TDRD9: variants seen among roughly 807,000 people sequenced by gnomAD.
The protein encoded by TDRD9 is ATP-dependent RNA helicase TDRD9.
A neutral mutation model predicts 172.6 loss-of-function variants in TDRD9; 124 were observed. The observed-to-expected ratio is 0.72, with a 90% CI of 0.62 to 0.83. The LOEUF (loss-of-function observed/expected upper bound fraction) is 0.83, where lower values mean the gene tolerates loss of function less well. Among genes scored for constraint, TDRD9 ranks in the 40% least tolerant of loss-of-function variants. TDRD9 has a pLI of 0.00. For missense variants in TDRD9, 1,479 were observed against 1,714.1 expected, an observed-to-expected ratio of 0.86 and a Z score of 2.42; for synonymous variants, 619 against 617.1, an observed-to-expected ratio of 1.00 and a Z score of -0.05.
At position 103,962,550 on chromosome 14, in the gene TDRD9, A is replaced by T. The variant is rs569624322; in HGVS notation, c.323-529A>T. Among the ~76,000 whole-genome samples, 48 of 152,196 alleles carry T rather than the reference A, an allele frequency of 3.2e-4. No homozygotes were observed. The South Asian group carries it at 1.0e-2, about 32-fold the overall frequency. ...GTTTGTTACAAGAGTATATTGGGTGATGCTGAGGTTTGGGCTTCCACTGAT... is the reference window on the plus strand; with the variant it reads ...GTTTGTTACAAGAGTATATTGGGTGTTGCTGAGGTTTGGGCTTCCACTGAT... On this transcript the variant is annotated intron_variant, in intron 2 of 35. Transcript: ENST00000409874.
intron 8 of TDRD9, among the ~76,000 whole-genome samples, chr14:103,987,123 TACACACACACACACACACACACACAC>T (rs143714763): frequency 6.9e-6 from 1 of 145,686 alleles, no homozygotes. Flanking sequence ...AAAAAATATA[TACACACACACACACACACACACACAC>T]ACACACACAC....
At chr14:104,029,119 T>C (rs142040819) in intron 28 of TDRD9, among the ~76,000 whole-genome samples, 87 of 152,356 alleles carry the variant, frequency 5.7e-4, no homozygotes, top group African/African-American at 2.0e-3. Flanking sequence ...GGTACTGCGA[T>C]GTCTCTTGCT....
intron 23 of TDRD9, among the ~76,000 whole-genome samples, chr14:104,019,641 A>G (rs2034893802): frequency 6.6e-6 from 1 of 152,232 alleles, no homozygotes; most frequent in African/African-American, 2.4e-5. Context: ...TGAAAGAATA[A>G]GAAGTGTATT....
intron 29 of TDRD9, 71 bp from the exon 30 acceptor site, chr14:104,031,946 T>C: frequency 9.4e-7 from 1 of 1,064,874 alleles, no homozygotes; most frequent in East Asian, 2.7e-5. Context: ...GAGCTGACTT[T>C]TGAGTTTTAA....
At chr14:104,005,474 T>C in intron 15 of TDRD9, 69 bp downstream of exon 15, 1 of 1,530,880 alleles carries the variant, frequency 6.5e-7, no homozygotes. Flanking sequence ...TCCCTCAGTC[T>C]GTGCCTCACT....
At chr14:104,006,032 G>T (rs974263090) in intron 15 of TDRD9, among the ~76,000 whole-genome samples, 2 of 152,104 alleles carry the variant, frequency 1.3e-5, no homozygotes, top group Non-Finnish European at 2.9e-5. Context: ...TCAAGTTAAG[G>T]AAGTTTTTCC....
intron 11 of TDRD9, among the ~76,000 whole-genome samples, chr14:103,995,445 C>G (rs1272110307): frequency 1.3e-5 from 2 of 152,160 alleles, no homozygotes; most frequent in Non-Finnish European, 2.9e-5. Context: ...TGCCCCTGGG[C>G]AATTCCAGGA....
intron 32 of TDRD9, among the ~76,000 whole-genome samples, chr14:104,037,802 C>T (rs1596020529): frequency 1.3e-5 from 2 of 152,160 alleles, no homozygotes; most frequent in Admixed American, 6.5e-5. Flanking sequence ...TTCCCTTCAT[C>T]GTGGAGCTGA....
In TDRD9 at chr14:104,052,212, TTTTC is replaced by T. The variant is rs1392318574; in HGVS notation, c.*137_*140del. On this transcript the variant is annotated 3_prime_UTR_variant, in exon 36 of 36. Transcript: ENST00000409874. ...CTGTGCCCACTGCATCCTAAAGGCC[TTTTC>T]TTTCTTCTTTTCTCTTTGGGTGATA... 9 of 553,654 alleles carry T rather than the reference TTTTC, an allele frequency of 1.6e-5. No homozygotes were observed. In the African/African-American group the frequency reaches 1.7e-4, roughly 11 times the overall value. 34.3% of individuals were successfully genotyped at this position (553,654 alleles called of 1,614,324 possible).
chr14:104,000,197 T>C (rs1399574626), intron 13 of TDRD9, among the ~76,000 whole-genome samples: 1 of 151,510 alleles, frequency 6.6e-6, no homozygotes, highest in Non-Finnish European at 1.5e-5. Context: ...GTGTGGTGGC[T>C]CATACCTGTG....
intron 33 of TDRD9, among the ~76,000 whole-genome samples, chr14:104,041,644 C>T (rs1430093942): frequency 1.3e-5 from 2 of 152,198 alleles, no homozygotes; most frequent in African/African-American, 2.4e-5. Context: ...ATAGCACCAC[C>T]TACTTACTGG....
At chr14:103,969,003 G>A (rs922165246) in intron 5 of TDRD9, among the ~76,000 whole-genome samples, 3 of 149,402 alleles carry the variant, frequency 2.0e-5, no homozygotes, top group Non-Finnish European at 3.0e-5. Context: ...GGGAGGCTGA[G>A]GCCGGAGAAT....
At chr14:104,003,149 T>C (rs969879215) in intron 13 of TDRD9, among the ~76,000 whole-genome samples, 1 of 151,864 alleles carries the variant, frequency 6.6e-6, no homozygotes, top group Non-Finnish European at 1.5e-5. Flanking sequence ...TGGGAAGAGA[T>C]TGAGATTGGC....
chr14:103,978,820 T>C (rs984704700), intron 7 of TDRD9, among the ~76,000 whole-genome samples: 1 of 152,162 alleles, frequency 6.6e-6, no homozygotes, highest in South Asian at 2.1e-4. Flanking sequence ...CACATAATAA[T>C]TCATGGGGTA....
Position 103,938,439 on chromosome 14 carries a change from TA to T in TDRD9, c.215+9716del, listed in dbSNP as rs1248337470. On this transcript the variant is annotated intron_variant, in intron 1 of 35. Transcript: ENST00000409874. ...GTATATATATATATATATATATATA[TA>T]TTTTTTTTTTTTTTTTGAGATGGTG... Among the ~76,000 whole-genome samples, 255 of 52,694 alleles carry T rather than the reference TA, an allele frequency of 4.8e-3. 2 individuals are homozygous for T. Among genetic ancestry groups the T allele is most frequent in the African/African-American group, 0.011 (191 of 17,312 alleles). 34.6% of individuals were successfully genotyped at this position (52,694 alleles called of 152,430 possible). A position where few individuals can be genotyped will look rare whatever the true frequency, so the allele number is the denominator to read the frequency against.
chr14:104,026,918 G>A lies in TDRD9; in HGVS notation c.3261G>A (p.Thr1087=), dbSNP rs750015527. The change falls in exon 28 of 36, where the codon ACG becomes ACA. Residue 1087 remains threonine, a synonymous_variant. Transcript: ENST00000409874. Reference sequence around the variant, plus strand: ...TCCAGCAGGGCTATGCCGAGCTCACGGAGGAGTCCTACGAGTCCAAGGTGT... The same window carrying A: ...TCCAGCAGGGCTATGCCGAGCTCACAGAGGAGTCCTACGAGTCCAAGGTGT... ...VLIQQGYAEL[T]EESYESKQSH... 2.2e-5 allele frequency: 35 copies of A among 1,613,832 alleles called. No individual in the cohort carries two copies. Among genetic ancestry groups the A allele is most frequent in the South Asian group, 2.0e-4 (18 of 91,080 alleles).
rs1037971916 is a variant in TDRD9 at position 103,980,874 on chromosome 14, G to T, written c.1011+5321G>T. On this transcript the variant is annotated intron_variant, in intron 7 of 35. Transcript: ENST00000409874. This position sits in a 1 kb window ranked among gnomAD's most constrained non-coding sequence, Gnocchi z 4.5. ...CAGAAGGCTCGCACTCTTGTCTTCT[G>T]GTCACTTCTCACTATGTCCCCTCAG... Among the ~76,000 whole-genome samples, 1 of 152,066 alleles carries T rather than the reference G, an allele frequency of 6.6e-6. No homozygotes were observed. Among genetic ancestry groups the T allele is most frequent in the Non-Finnish European group, 1.5e-5 (1 of 68,002 alleles).
intron 21 of TDRD9, among the ~76,000 whole-genome samples, 174 bp from the exon 22 acceptor site, chr14:104,015,807 A>G (rs1318387304): frequency 1.3e-5 from 2 of 152,184 alleles, no homozygotes; most frequent in Non-Finnish European, 2.9e-5. Context: ...GTTAGATGAA[A>G]TTACCAGAAT....
chr14:104,006,760 T>C, intron 17 of TDRD9, 22 bp from the exon 18 acceptor site: 2 of 1,613,584 alleles, frequency 1.2e-6, no homozygotes, highest in Non-Finnish European at 1.7e-6. Context: ...TGGTATTGAA[T>C]GACACTGTTA....
Sources: allele counts gnomAD v4.1 joint callset (sites outside exome capture counted in the v4.1 genomes callset), GRCh38; gene constraint gnomAD v4.1.1; non-coding constraint Gnocchi (gnomAD v3.1); transcripts MANE v1.5; gene names NCBI Gene and HGNC (gene_info 2026-07-23, HGNC 2026-07-21).